Variants in CDH18 observed in about 807,000 individuals in gnomAD.
The protein encoded by CDH18 is cadherin-18.
A neutral mutation model predicts 67.9 loss-of-function variants in CDH18; 31 were observed. The ratio of observed to expected loss-of-function variants is 0.46; its 90% CI spans 0.34 to 0.62. The LOEUF is 0.62. Among genes scored for constraint, CDH18 ranks in the 20% least tolerant of loss-of-function variants. The pLI is 0.01. For missense variants in CDH18, 890 were observed against 975.5 expected (o/e 0.91, Z 1.17); for synonymous variants, 362 against 347.2 (o/e 1.04, Z -0.48).
chr5:19,856,285 T>C (rs1784278188), intron 2 of CDH18, among the ~76,000 whole-genome samples: 1 of 152,166 alleles, frequency 6.6e-6, no homozygotes, highest in Admixed American at 6.5e-5. Context: ...CTACAGTTGA[T>C]TATGGTACTA....
chr5:19,767,098 A>G (rs955334742), intron 3 of CDH18, among the ~76,000 whole-genome samples: 2 of 151,870 alleles, frequency 1.3e-5, no homozygotes, highest in African/African-American at 4.8e-5. Flanking sequence ...AAATTTAAAA[A>G]ACACAAAAAT....
rs539321035 is a variant in CDH18 at position 19,565,595 on chromosome 5, G to A, written c.1253+5984C>T. Among the ~76,000 whole-genome samples, 4 of 152,268 alleles carry A rather than the reference G, an allele frequency of 2.6e-5. No homozygotes were observed. In the South Asian group the frequency reaches 8.3e-4, roughly 32 times the overall value. On this transcript the variant is annotated intron_variant, in intron 8 of 12. Coordinates refer to ENST00000382275, the MANE Select transcript of CDH18 (RefSeq NM_004934.5). ...CTTGGAAGAGTCCCCAAGAATGACA[G>A]GCACAAATAAGCCCAGTCTGCAATA...
chr5:20,121,393 G>A (rs1243749140), intron 2 of CDH18, among the ~76,000 whole-genome samples: 1 of 151,970 alleles, frequency 6.6e-6, no homozygotes, highest in East Asian at 1.9e-4. Context: ...GTAGATTCAT[G>A]ACTTCAGCTG....
chr5:20,344,667 C>T (rs1016501466), intron 1 of CDH18, among the ~76,000 whole-genome samples: 4 of 151,966 alleles, frequency 2.6e-5, no homozygotes, highest in African/African-American at 4.8e-5. Context: ...ATCAAAGGAC[C>T]TCAGAAAAAT....
At chr5:20,194,093 C>G (rs1468535898) in intron 2 of CDH18, among the ~76,000 whole-genome samples, 1 of 151,900 alleles carries the variant, frequency 6.6e-6, no homozygotes, top group African/African-American at 2.4e-5. Flanking sequence ...CAATCCTATT[C>G]ATAGTATTGG....
chr5:19,938,799 C>A (rs1794537385), intron 2 of CDH18, among the ~76,000 whole-genome samples: 1 of 151,370 alleles, frequency 6.6e-6, no homozygotes, highest in African/African-American at 2.4e-5. Context: ...AAAAAAATCA[C>A]TAGTAGTTCA....
chr5:20,158,869 T>C (rs1751757015), intron 2 of CDH18: 1 of 202,598 alleles, frequency 4.9e-6, no homozygotes, highest in East Asian at 1.3e-4. Context: ...GCACAAAAGT[T>C]ATCATTCCCT....
chr5:19,955,521 C>T (rs1384661690), intron 2 of CDH18, among the ~76,000 whole-genome samples: 1 of 151,878 alleles, frequency 6.6e-6, no homozygotes, highest in Non-Finnish European at 1.5e-5. Context: ...GATTTTATAC[C>T]ACTTAAAGAA....
At chr5:19,780,362 A>AT (rs1561285647) in intron 3 of CDH18, among the ~76,000 whole-genome samples, 1 of 151,950 alleles carries the variant, frequency 6.6e-6, no homozygotes, top group Non-Finnish European at 1.5e-5. Flanking sequence ...TCCTGACACC[A>AT]TTTTTCCATT....
At chr5:19,564,247 G>A (rs559726738) in intron 8 of CDH18, among the ~76,000 whole-genome samples, 86 of 152,280 alleles carry the variant, frequency 5.6e-4, no homozygotes, top group African/African-American at 2.0e-3. Flanking sequence ...GCCAGCTGGC[G>A]TGGTCAAGGG....
At chr5:19,512,845 C>T (rs374246632) in intron 10 of CDH18, among the ~76,000 whole-genome samples, 5 of 151,864 alleles carry the variant, frequency 3.3e-5, no homozygotes, top group African/African-American at 7.3e-5. Flanking sequence ...TATCTATGAT[C>T]GTGCAGAGAA....
chr5:19,885,623 C>A (rs189335931), intron 2 of CDH18, among the ~76,000 whole-genome samples: 2 of 152,102 alleles, frequency 1.3e-5, no homozygotes, highest in Non-Finnish European at 2.9e-5. Context: ...TACAGTGGTG[C>A]GATCATAGCT....
intron 2 of CDH18, among the ~76,000 whole-genome samples, chr5:20,063,304 C>T (rs952249357): frequency 3.3e-5 from 5 of 151,524 alleles, no homozygotes; most frequent in African/African-American, 1.2e-4. Flanking sequence ...AGCCACTGTA[C>T]TATACTTTTT....
chr5:19,522,920 G>T (rs1265079595), intron 9 of CDH18, among the ~76,000 whole-genome samples: 1 of 142,222 alleles, frequency 7.0e-6, no homozygotes. Context: ...AAAAAAAGGA[G>T]AGTTGCTGTA....
intron 1 of CDH18, among the ~76,000 whole-genome samples, chr5:20,372,547 T>C (rs1251679346): frequency 6.6e-6 from 1 of 152,170 alleles, no homozygotes; most frequent in East Asian, 1.9e-4. Context: ...TGTATGTGAT[T>C]TGGAAATCAA....
At chr5:20,495,785 A>G (rs1158567570) in intron 1 of CDH18, among the ~76,000 whole-genome samples, 4 of 150,912 alleles carry the variant, frequency 2.7e-5, no homozygotes, top group Admixed American at 6.6e-5. Context: ...AGATTTAAAT[A>G]TCGAGTTCTA....
At chr5:20,208,769 A>C (rs1740116801) in intron 2 of CDH18, among the ~76,000 whole-genome samples, 1 of 152,098 alleles carries the variant, frequency 6.6e-6, no homozygotes, top group Non-Finnish European at 1.5e-5. Flanking sequence ...GAATTAATCA[A>C]GAATGTGAAG....
chr5:19,933,691 G>T (rs1204074311), intron 2 of CDH18, among the ~76,000 whole-genome samples: 1 of 151,384 alleles, frequency 6.6e-6, no homozygotes, highest in Non-Finnish European at 1.5e-5. Flanking sequence ...CAAATAGGAG[G>T]ATTCAAATTT....
intron 1 of CDH18, among the ~76,000 whole-genome samples, chr5:20,272,976 T>G (rs1480152926): frequency 6.6e-6 from 1 of 152,058 alleles, no homozygotes; most frequent in African/African-American, 2.4e-5. Flanking sequence ...ACACTAAGAA[T>G]AAACTAGTGA....
Sources: gnomAD v4.1 joint callset for allele counts (sites outside exome capture counted in the v4.1 genomes callset) on GRCh38, gnomAD v4.1.1 for gene constraint, MANE v1.5 for transcripts, NCBI Gene and HGNC (gene_info 2026-07-23, HGNC 2026-07-21) for gene names.